The following STX6 variants were observed in gnomAD, a reference collection of about 807,000 sequenced individuals.
STX6 encodes syntaxin-6.
In STX6, 23 loss-of-function variants were observed where a neutral mutation model predicts 38.0. The ratio of observed to expected loss-of-function variants is 0.60; its 90% CI spans 0.43 to 0.86. The LOEUF is 0.86. Ranked by LOEUF, STX6 falls within the 40% of genes least tolerant of loss-of-function variation. The pLI is 0.00. For synonymous variants in STX6, 123 were observed against 107.5 expected (o/e 1.14, Z -0.89); for missense variants, 274 against 312.9 (o/e 0.88, Z 0.94).
At chr1:181,004,174 A>T (rs1286029132) in intron 2 of STX6, among the ~76,000 whole-genome samples, 1 of 152,220 alleles carries the variant, frequency 6.6e-6, no homozygotes, top group African/African-American at 2.4e-5. Flanking sequence ...GAAGCACAGG[A>T]GGTTAAGTGA....
chr1:181,011,328 C>G (rs1168436751), intron 1 of STX6, among the ~76,000 whole-genome samples: 1 of 152,210 alleles, frequency 6.6e-6, no homozygotes, highest in Non-Finnish European at 1.5e-5. Flanking sequence ...CAATAGCAAG[C>G]AAAGAGGTCT....
chr1:180,996,087 C>T (rs1655907592), intron 3 of STX6, among the ~76,000 whole-genome samples: 1 of 152,068 alleles, frequency 6.6e-6, no homozygotes, highest in African/African-American at 2.4e-5. Flanking sequence ...ACTAGAACAG[C>T]ACTTTGAAAA....
chr1:181,002,185 AT>A (rs112055963), intron 3 of STX6, among the ~76,000 whole-genome samples: 1,832 of 147,934 alleles, frequency 0.012, 27 homozygotes, highest in African/African-American at 0.04. Flanking sequence ...AATCACGGAA[AT>A]TTTTTTTTTT....
intron 4 of STX6, among the ~76,000 whole-genome samples, chr1:180,990,319 A>G (rs866584313): frequency 2.6e-5 from 4 of 152,174 alleles, no homozygotes; most frequent in Non-Finnish European, 2.9e-5. Flanking sequence ...AGCTCTCCCA[A>G]TAGGCCTCAC....
intron 7 of STX6, among the ~76,000 whole-genome samples, chr1:180,983,445 A>AT (rs912065603): frequency 2.9e-4 from 44 of 152,344 alleles, no homozygotes; most frequent in South Asian, 2.5e-3. Context: ...GAGATACTGG[A>AT]TTTTTTAAAA....
intron 1 of STX6, among the ~76,000 whole-genome samples, chr1:181,014,619 G>A (rs2102332480): frequency 1.3e-5 from 2 of 152,236 alleles, no homozygotes; most frequent in South Asian, 4.1e-4. Context: ...TTCAGGTTGA[G>A]TGAGCCTCTG....
intron 1 of STX6, among the ~76,000 whole-genome samples, chr1:181,009,099 C>T (rs977192488): frequency 1.1e-4 from 16 of 152,078 alleles, no homozygotes; most frequent in Admixed American, 3.9e-4. Flanking sequence ...AAGATATTTA[C>T]AAATTATATA....
intron 3 of STX6, among the ~76,000 whole-genome samples, chr1:181,001,922 T>C (rs1656090239): frequency 6.6e-6 from 1 of 152,212 alleles, no homozygotes; most frequent in Admixed American, 6.5e-5. Flanking sequence ...CTCACGCCAG[T>C]AATCCCAGTA....
chr1:180,989,945 T>G (rs1571333033), intron 5 of STX6, 39 bp downstream of exon 5: 5 of 1,609,776 alleles, frequency 3.1e-6, no homozygotes, highest in Non-Finnish European at 4.2e-6. Flanking sequence ...GTGTCTTGTT[T>G]CCCACTGGCC....
Position 181,000,605 on chromosome 1 carries a change from G to A in STX6, c.300+2001C>T, listed in dbSNP as rs562784666. Among the ~76,000 whole-genome samples, 107 of 152,248 alleles carry A rather than the reference G, an allele frequency of 7.0e-4. 1 individual carries two copies. Among genetic ancestry groups the A allele is most frequent in the South Asian group, 5.2e-3 (25 of 4,826 alleles). ...TACAATTCAAGATGAGATTTTGGGT[G>A]GGGAAACAGCTAAATCATATCAACC... On this transcript the variant is annotated intron_variant, in intron 3 of 7. Coordinates refer to ENST00000258301, the MANE Select transcript of STX6 (RefSeq NM_005819.6).
At chr1:180,995,753 A>G (rs1371654108) in intron 3 of STX6, among the ~76,000 whole-genome samples, 2 of 152,258 alleles carry the variant, frequency 1.3e-5, no homozygotes, top group African/African-American at 4.8e-5. Flanking sequence ...TTAAAACAAC[A>G]CATTACTTGC....
At chr1:180,980,380 A>G (rs1655373057) in intron 7 of STX6, among the ~76,000 whole-genome samples, 1 of 152,062 alleles carries the variant, frequency 6.6e-6, no homozygotes, top group Non-Finnish European at 1.5e-5. Flanking sequence ...ATGTGGAGCA[A>G]TATTAACTCC....
chr1:180,992,143 C>T (rs1265640877), intron 4 of STX6, among the ~76,000 whole-genome samples: 5 of 152,022 alleles, frequency 3.3e-5, no homozygotes, highest in Non-Finnish European at 5.9e-5. Context: ...AACTTGAGGG[C>T]ATTCACTAGC....
intron 3 of STX6, among the ~76,000 whole-genome samples, chr1:181,001,296 A>G (rs1461138870): frequency 6.6e-6 from 1 of 152,226 alleles, no homozygotes; most frequent in Non-Finnish European, 1.5e-5. Flanking sequence ...CTTTTTATTC[A>G]AGGAAGCTGC....
intron 7 of STX6, among the ~76,000 whole-genome samples, chr1:180,982,625 C>G (rs866176234): frequency 6.6e-6 from 1 of 152,210 alleles, no homozygotes; most frequent in African/African-American, 2.4e-5. Flanking sequence ...CATCTTTGTT[C>G]ACTTGCTCTT....
chr1:180,993,267 T>G, intron 4 of STX6, 96 bp downstream of exon 4: 1 of 768,650 alleles, frequency 1.3e-6, no homozygotes, highest in Non-Finnish European at 2.2e-6. Flanking sequence ...GTCTTCCTCT[T>G]GATTACATGA....
Position 180,976,255 on chromosome 1 carries a change from G to GT in STX6, c.*314dup. 2.9e-6 allele frequency: 1 copy of GT among 349,990 alleles called. No individual in the cohort carries two copies. Among genetic ancestry groups the GT allele is most frequent in the Middle Eastern group, 8.9e-4 (1 of 1,124 alleles). The allele number at this position is 349,990 out of a possible 1,614,324, so 21.7% of individuals were successfully genotyped here. ...CAACAGCAAAACACCAGTGGAGTCTGTAAGTCCCTCCTCAGCAAACGAGGT... is the reference window on the plus strand; with the variant it reads ...CAACAGCAAAACACCAGTGGAGTCTGTTAAGTCCCTCCTCAGCAAACGAGGT... On this transcript the variant is annotated 3_prime_UTR_variant, in exon 8 of 8. Coordinates refer to ENST00000258301, the MANE Select transcript of STX6 (RefSeq NM_005819.6).
intron 1 of STX6, among the ~76,000 whole-genome samples, chr1:181,015,778 G>C (rs111918580): frequency 1.7e-4 from 26 of 151,806 alleles, no homozygotes; most frequent in African/African-American, 6.0e-4. Context: ...TCCTGCCTCA[G>C]CCTCCCAAGT....
chr1:181,013,768 G>C (rs1159852393), intron 1 of STX6, among the ~76,000 whole-genome samples: 1 of 152,200 alleles, frequency 6.6e-6, no homozygotes, highest in Non-Finnish European at 1.5e-5. Flanking sequence ...GTTCCACAAT[G>C]TCTGGGACCT....
Sources: allele counts gnomAD v4.1 joint callset (sites outside exome capture counted in the v4.1 genomes callset), GRCh38; gene constraint gnomAD v4.1.1; transcripts MANE v1.5; gene names NCBI Gene and HGNC (gene_info 2026-07-23, HGNC 2026-07-21).